The following PDZD2 variants were observed in gnomAD, a reference collection of about 807,000 sequenced individuals.
PDZD2 encodes the protein PDZ domain-containing protein 2.
PDZD2 carries 90 observed loss-of-function variants against 220.7 expected under a neutral mutation model. The observed-to-expected ratio is 0.41, with a 90% CI of 0.34 to 0.49. The LOEUF (loss-of-function observed/expected upper bound fraction) is 0.49. Among genes scored for constraint, PDZD2 ranks in the 20% least tolerant of loss-of-function variants. The pLI, the probability that PDZD2 is intolerant of heterozygous loss-of-function variation, is 0.28. For synonymous variants in PDZD2, 1,375 were observed against 1,450.5 expected, an observed-to-expected ratio of 0.95 and a Z score of 1.18; for missense variants, 3,174 against 3,608.5, an observed-to-expected ratio of 0.88 and a Z score of 3.08.
At chr5:31,892,224 A>C (rs550834467) in intron 2 of PDZD2, among the ~76,000 whole-genome samples, 12 of 152,140 alleles carry the variant, frequency 7.9e-5, no homozygotes, top group African/African-American at 2.6e-4. Context: ...ACTCTTAACA[A>C]AACTAATTTC....
chr5:31,705,127 A>G (rs779513559), intron 1 of PDZD2, among the ~76,000 whole-genome samples: 2 of 151,728 alleles, frequency 1.3e-5, no homozygotes, highest in Non-Finnish European at 2.9e-5. Flanking sequence ...TGCCACTGCA[A>G]TCCAGCCTGG....
chr5:32,083,715 C>T lies in PDZD2; in HGVS notation c.3683-3416C>T, dbSNP rs1178176098. 2 of 152,176 alleles carry T rather than the reference C, an allele frequency of 1.3e-5. No individual in the cohort carries two copies. Among genetic ancestry groups the T allele is most frequent in the African/African-American group, 4.8e-5 (2 of 41,418 alleles). 9.4% of individuals were successfully genotyped at this position (152,176 alleles called of 1,614,324 possible). ...TGAGACGGATTCTTGCTCTGTCGCT[C>T]AGGCTGGATGGAGTACAGTGGCTCG... On this transcript the variant is annotated intron_variant, in intron 19 of 24. Coordinates refer to ENST00000438447, the MANE Select transcript of PDZD2 (RefSeq NM_178140.4). This position sits in a 1 kb window ranked among gnomAD's most constrained non-coding sequence, Gnocchi z 4.1.
intron 1 of PDZD2, among the ~76,000 whole-genome samples, chr5:31,789,695 G>A (rs1027599124): frequency 3.3e-5 from 5 of 152,230 alleles, no homozygotes; most frequent in African/African-American, 9.6e-5. Context: ...TTGGGAGGCC[G>A]AGGCATCCGA....
At chr5:31,794,393 CTTTTTT>C (rs34331530) in intron 1 of PDZD2, among the ~76,000 whole-genome samples, 4 of 105,288 alleles carry the variant, frequency 3.8e-5, no homozygotes, top group Admixed American at 1.1e-4. Flanking sequence ...TTCTTTCTTT[CTTTTTT>C]TTTTTTTTTT....
Position 31,989,424 on chromosome 5 carries a change from T to TTTTTTTTTTTTTTTTTTTTATTTATTTA in PDZD2, c.978+5784_978+5785insTTTATTTATTTATTTTTTTTTTTTTTTT, listed in dbSNP as rs1429240437. Among the ~76,000 whole-genome samples the TTTTTTTTTTTTTTTTTTTTATTTATTTA allele has an allele frequency of 7.3e-4, 100 of 136,628 alleles. 2 individuals are homozygous for TTTTTTTTTTTTTTTTTTTTATTTATTTA. Among genetic ancestry groups the TTTTTTTTTTTTTTTTTTTTATTTATTTA allele is most frequent in the African/African-American group, 2.6e-3 (88 of 34,226 alleles). 89.6% of individuals were successfully genotyped at this position (136,628 alleles called of 152,430 possible). On this transcript the variant is annotated intron_variant, in intron 3 of 24. Transcript: ENST00000438447. ...GGTATATACCACATTTTCTTTTCTT[T>TTTTTTTTTTTTTTTTTTTTATTTATTTA]TTTTTTTTTTTTTTTTGAGACGAAG...
At chr5:31,962,356 G>A (rs367653714) in intron 2 of PDZD2, among the ~76,000 whole-genome samples, 53 of 152,260 alleles carry the variant, frequency 3.5e-4, no homozygotes, top group African/African-American at 9.4e-4. Context: ...GTGCCAATAC[G>A]TAAATCCTTT....
intron 1 of PDZD2, among the ~76,000 whole-genome samples, chr5:31,660,264 A>G (rs1745708505): frequency 1.3e-5 from 2 of 152,282 alleles, no homozygotes; most frequent in South Asian, 4.1e-4. Flanking sequence ...ATATGTCCCC[A>G]TATCTATTGG....
intron 1 of PDZD2, among the ~76,000 whole-genome samples, chr5:31,737,440 G>A (rs1352245299): frequency 1.3e-5 from 2 of 152,078 alleles, no homozygotes; most frequent in East Asian, 1.9e-4. Flanking sequence ...CCAAAGTGCT[G>A]GGATTACAGG....
At position 31,827,715 on chromosome 5, in the gene PDZD2, A is replaced by AAG. The variant is rs59061500; in HGVS notation, c.476+27991_476+27992insAG. ...TCAAAAAAAATAAATAAATAAAAAA[A>AAG]TAAAAATAATTTTAAAATGGCTTTA... On this transcript the variant is annotated intron_variant, in intron 2 of 24. Coordinates refer to ENST00000438447, the MANE Select transcript of PDZD2 (RefSeq NM_178140.4). Among the ~76,000 whole-genome samples, 17 of 147,698 alleles carry AAG rather than the reference A, an allele frequency of 1.2e-4. 1 individual carries two copies. Among genetic ancestry groups the AAG allele is most frequent in the East Asian group, 2.0e-4 (1 of 5,122 alleles).
intron 2 of PDZD2, among the ~76,000 whole-genome samples, chr5:31,959,709 T>C (rs2111683728): frequency 6.6e-6 from 1 of 152,310 alleles, no homozygotes; most frequent in African/African-American, 2.4e-5. Flanking sequence ...GGAAGAAGCC[T>C]ATGTTACCTT....
At chr5:31,835,462 A>G (rs1393102213) in intron 2 of PDZD2, among the ~76,000 whole-genome samples, 3 of 151,952 alleles carry the variant, frequency 2.0e-5, no homozygotes, top group Non-Finnish European at 2.9e-5. Flanking sequence ...TACTAAAAAT[A>G]CAAAATTAGC....
Position 31,840,431 on chromosome 5 carries a change from TATA to T in PDZD2, c.476+40708_476+40710del, listed in dbSNP as rs1561499206. The T allele has an allele frequency of 9.0e-3, 888 of 98,174 alleles. 19 individuals are homozygous for T. Among genetic ancestry groups the T allele is most frequent in the Non-Finnish European group, 0.01 (537 of 53,338 alleles). The allele number at this position is 98,174 out of a possible 1,614,324, so 6.1% of individuals were successfully genotyped here. On this transcript the variant is annotated intron_variant, in intron 2 of 24. Coordinates refer to ENST00000438447, the MANE Select transcript of PDZD2 (RefSeq NM_178140.4). ...ATATATATATATATATATATATATA[TATA>T]TATATATATATATATTTGTTTATAG...
In PDZD2 at chr5:32,041,156, C is replaced by T. The variant is rs545903542; in HGVS notation, c.1519+3814C>T. Among the ~76,000 whole-genome samples the T allele has an allele frequency of 9.7e-3, 1,367 of 141,364 alleles. 87 individuals carry two copies. Among genetic ancestry groups the T allele is most frequent in the African/African-American group, 0.01 (392 of 37,634 alleles). 92.7% of individuals were successfully genotyped at this position (141,364 alleles called of 152,430 possible). On this transcript the variant is annotated intron_variant, in intron 7 of 24. Transcript: ENST00000438447. ...CTGGGAAGTGGGGAGCGCCTCTGCC[C>T]GGCCGCCCCGTCTGGGAAGTGGGGA...
At chr5:31,957,464 G>A (rs1057200703) in intron 2 of PDZD2, among the ~76,000 whole-genome samples, 2 of 152,148 alleles carry the variant, frequency 1.3e-5, no homozygotes, top group African/African-American at 2.4e-5. Flanking sequence ...ACGCATTACC[G>A]AAAATCAGAA....
intron 19 of PDZD2, among the ~76,000 whole-genome samples, chr5:32,078,315 C>T (rs940860147): frequency 3.3e-5 from 5 of 152,108 alleles, no homozygotes; most frequent in African/African-American, 7.2e-5. Context: ...TAAGTAACAT[C>T]GTGGAGGCAG....
chr5:31,706,214 A>G (rs550772478), intron 1 of PDZD2, among the ~76,000 whole-genome samples: 27 of 152,300 alleles, frequency 1.8e-4, no homozygotes, highest in African/African-American at 5.5e-4. Flanking sequence ...TGTTGGCTGT[A>G]TGGTCCTGTG....
rs182220446 is a variant in PDZD2 at position 31,826,178 on chromosome 5, C to G, written c.476+26454C>G. 5.3e-3 allele frequency among the ~76,000 whole-genome samples: 814 copies of G among 152,248 alleles called. 7 individuals are homozygous for G. Among genetic ancestry groups the G allele is most frequent in the African/African-American group, 0.019 (779 of 41,532 alleles). On this transcript the variant is annotated intron_variant, in intron 2 of 24. Coordinates refer to ENST00000438447, the MANE Select transcript of PDZD2 (RefSeq NM_178140.4). ...GTCTCCTGCCTTTTATCCATGCCCC[C>G]AAGATAATCGTGTTGGTTTCATGCC...
chr5:31,903,636 C>G (rs1178653966), intron 2 of PDZD2, among the ~76,000 whole-genome samples: 5 of 106,342 alleles, frequency 4.7e-5, no homozygotes, highest in Non-Finnish European at 9.4e-5. Flanking sequence ...AAGAGTGAGA[C>G]CCTGTCTCAA....
chr5:31,946,638 C>T (rs886073992), intron 2 of PDZD2, among the ~76,000 whole-genome samples: 1 of 152,204 alleles, frequency 6.6e-6, no homozygotes, highest in Non-Finnish European at 1.5e-5. Context: ...TGTCATTTTA[C>T]AAAGCAGTCC....
Sources: allele counts gnomAD v4.1 joint callset (sites outside exome capture counted in the v4.1 genomes callset), GRCh38; gene constraint gnomAD v4.1.1; non-coding constraint Gnocchi (gnomAD v3.1); transcripts MANE v1.5; gene names NCBI Gene and HGNC (gene_info 2026-07-23, HGNC 2026-07-21).